The following NAALADL2 variants were observed in gnomAD, a reference collection of about 807,000 sequenced individuals.
The protein encoded by NAALADL2 is N-acetylated alpha-linked acidic dipeptidase like 2, also known as inactive N-acetylated-alpha-linked acidic dipeptidase-like protein 2.
Under a neutral mutation model 87.2 loss-of-function variants are expected in NAALADL2, and 76 were observed. The observed-to-expected ratio is 0.87, with a 90% CI of 0.72 to 1.05. The LOEUF is 1.05. NAALADL2 is among the 50% of genes least tolerant of loss of function. The pLI is 0.00. For missense variants in NAALADL2, 1,089 were observed against 945.8 expected, an observed-to-expected ratio of 1.15 and a Z score of -1.99; for synonymous variants, 354 against 331.0, an observed-to-expected ratio of 1.07 and a Z score of -0.75.
chr3:175,526,408 C>T (rs1046529772), intron 9 of NAALADL2, among the ~76,000 whole-genome samples: 15 of 152,252 alleles, frequency 9.9e-5, no homozygotes, highest in African/African-American at 2.9e-4. Context: ...GCATTTTATG[C>T]ATTCCAAAAA....
At chr3:175,645,152 A>G (rs1729825073) in intron 11 of NAALADL2, among the ~76,000 whole-genome samples, 1 of 152,090 alleles carries the variant, frequency 6.6e-6, no homozygotes, top group Non-Finnish European at 1.5e-5. Flanking sequence ...TTGCACAACA[A>G]AATTTTTACT....
At chr3:175,233,328 T>C (rs1745280512) in intron 2 of NAALADL2, among the ~76,000 whole-genome samples, 1 of 152,204 alleles carries the variant, frequency 6.6e-6, no homozygotes, top group Non-Finnish European at 1.5e-5. Context: ...AAGTGTATTA[T>C]GTTGATGTTG....
chr3:174,840,335 G>A (rs1026565355), intron 3 of NAALADL2, among the ~76,000 whole-genome samples: 6 of 151,784 alleles, frequency 4.0e-5, no homozygotes, highest in South Asian at 4.2e-4. Flanking sequence ...TTATGAATCC[G>A]GCATATCTAA....
At chr3:175,789,435 A>G (rs897980216) in intron 13 of NAALADL2, among the ~76,000 whole-genome samples, 1 of 152,192 alleles carries the variant, frequency 6.6e-6, no homozygotes, top group African/African-American at 2.4e-5. Flanking sequence ...ATTTTATACA[A>G]TTGAAGAATC....
chr3:175,181,047 C>A (rs1218459843), intron 2 of NAALADL2, among the ~76,000 whole-genome samples: 1 of 151,998 alleles, frequency 6.6e-6, no homozygotes, highest in Non-Finnish European at 1.5e-5. Flanking sequence ...AACACTTCTA[C>A]TGTGTTTCAT....
chr3:174,615,721 T>C (rs1044311141), intron 2 of NAALADL2, among the ~76,000 whole-genome samples: 4 of 152,168 alleles, frequency 2.6e-5, no homozygotes, highest in Admixed American at 2.0e-4. Context: ...TCTCTTTCTC[T>C]TGCTCTCTCT....
intron 5 of NAALADL2, among the ~76,000 whole-genome samples, chr3:175,412,661 C>T (rs1345185335): frequency 6.6e-6 from 1 of 151,814 alleles, no homozygotes; most frequent in Non-Finnish European, 1.5e-5. Context: ...CGAATCAGTT[C>T]CTTCAGTACA....
Position 174,668,774 on chromosome 3 carries a change from A to G in NAALADL2, c.-114-68867A>G, listed in dbSNP as rs1334584785. Among the ~76,000 whole-genome samples, 60 of 152,278 alleles carry G rather than the reference A, an allele frequency of 3.9e-4. 1 individual carries two copies. The South Asian group carries it at 0.012, about 32-fold the overall frequency. ...ACTCATCATTTTTTATGGCTGCATA[A>G]TATTCCATGGTGTATATGTGCCACA... On this transcript the variant is annotated intron_variant, in intron 2 of 3. Transcript: ENST00000434257.
intron 1 of NAALADL2, among the ~76,000 whole-genome samples, chr3:175,049,093 C>A (rs977006929): frequency 2.0e-4 from 30 of 152,094 alleles, no homozygotes; most frequent in South Asian, 1.7e-3. Context: ...GTACTCAACC[C>A]CACAGATATT....
intron 4 of NAALADL2, among the ~76,000 whole-genome samples, chr3:175,296,462 C>T (rs1176126533): frequency 6.6e-6 from 1 of 152,154 alleles, no homozygotes. Flanking sequence ...TATGTTTAAA[C>T]AGGTTCCCCG....
At chr3:174,614,638 A>G (rs1048103015) in intron 2 of NAALADL2, among the ~76,000 whole-genome samples, 1 of 152,170 alleles carries the variant, frequency 6.6e-6, no homozygotes, top group South Asian at 2.1e-4. Flanking sequence ...TTTTAGTGAT[A>G]TGAATTTAAA....
chr3:175,118,077 G>A (rs1725552129), intron 2 of NAALADL2, among the ~76,000 whole-genome samples: 1 of 151,146 alleles, frequency 6.6e-6, no homozygotes, highest in South Asian at 2.1e-4. Context: ...AGAACACTTG[G>A]AAACAGGATG....
At chr3:175,239,139 C>A (rs1023076496) in intron 3 of NAALADL2, among the ~76,000 whole-genome samples, 1 of 152,112 alleles carries the variant, frequency 6.6e-6, no homozygotes, top group African/African-American at 2.4e-5. Context: ...TGTAATTCAT[C>A]GTGCACTAGA....
At chr3:174,561,495 G>A (rs529019664) in intron 2 of NAALADL2, among the ~76,000 whole-genome samples, 1 of 152,068 alleles carries the variant, frequency 6.6e-6, no homozygotes, top group East Asian at 1.9e-4. Context: ...CCACCATGCC[G>A]GGCCACAGGA....
intron 2 of NAALADL2, among the ~76,000 whole-genome samples, chr3:175,163,303 G>A (rs1177263212): frequency 6.6e-6 from 1 of 152,038 alleles, no homozygotes. Context: ...CATCCAGATT[G>A]TATAAACTTA....
Position 175,097,181 on chromosome 3 carries a change from T to C in NAALADL2, c.435T>C (p.Tyr145=), listed in dbSNP as rs1215079791. 6.2e-7 allele frequency: 1 copy of C among 1,613,668 alleles called. No individual in the cohort carries two copies. The highest frequency in any genetic ancestry group is 8.5e-7 in the Non-Finnish European group (1 of 1,179,704). The change falls in exon 2 of 14, where the codon TAT becomes TAC. Residue 145 remains tyrosine, a synonymous_variant. Transcript: ENST00000454872. The stretch of plus-strand genomic sequence containing the variant: ...TTTTTGGGATTTTGATAGGTTATTA[T>C]GTACATACAAATTGCCCTTCAGATG... ...LFIFGILIGY[Y]VHTNCPSDAP... is the part of the protein sequence containing the mutation.
At chr3:175,086,055 A>G (rs1718838358) in intron 1 of NAALADL2, among the ~76,000 whole-genome samples, 1 of 152,218 alleles carries the variant, frequency 6.6e-6, no homozygotes. Context: ...TTCGTTTTTC[A>G]TAGAGTGTCA....
At chr3:174,583,017 G>A (rs376460250) in intron 2 of NAALADL2, among the ~76,000 whole-genome samples, 9 of 152,152 alleles carry the variant, frequency 5.9e-5, no homozygotes, top group Non-Finnish European at 8.8e-5. Flanking sequence ...TAGACACAAC[G>A]TCCATTATAG....
At chr3:175,723,659 A>C (rs2150041342) in intron 11 of NAALADL2, among the ~76,000 whole-genome samples, 1 of 152,254 alleles carries the variant, frequency 6.6e-6, no homozygotes, top group South Asian at 2.1e-4. Flanking sequence ...AAGACATTCC[A>C]ATATAAATAG....
Sources: allele counts gnomAD v4.1 joint callset (sites outside exome capture counted in the v4.1 genomes callset), GRCh38; gene constraint gnomAD v4.1.1; transcripts MANE v1.5; gene names NCBI Gene and HGNC (gene_info 2026-07-23, HGNC 2026-07-21).